Variants in TRDMT1 observed in about 807,000 individuals in gnomAD.
TRDMT1 encodes the protein tRNA (cytosine(38)-C(5))-methyltransferase.
A neutral mutation model predicts 51.2 loss-of-function variants in TRDMT1; 49 were observed. The ratio of observed to expected loss-of-function variants is 0.96; its 90% CI spans 0.76 to 1.21. The LOEUF (loss-of-function observed/expected upper bound fraction) is 1.21, where lower values mean the gene tolerates loss of function less well. Ranked by LOEUF, TRDMT1 falls within the 50% of genes most tolerant of loss-of-function variation. The probability of loss-of-function intolerance (pLI) is 0.00; values close to 1 mark genes in which losing one functional copy is unlikely to be tolerated. For missense variants in TRDMT1, 534 were observed against 462.3 expected (o/e 1.16, Z -1.42); for synonymous variants, 187 against 164.6 (o/e 1.14, Z -1.04).
rs1837588192 is a variant in TRDMT1, at chr10:17,140,555, G to A, written c.*8485C>T. ...GCAAGATGTAGCTTCTGCTCTGGAGGAAAAAAGTCAGCAGGGGAGGGGATT... is the reference window on the plus strand; with the variant it reads ...GCAAGATGTAGCTTCTGCTCTGGAGAAAAAAAGTCAGCAGGGGAGGGGATT... On this transcript the variant is annotated 3_prime_UTR_variant, in exon 11 of 11. Transcript: ENST00000377799. Among the ~76,000 whole-genome samples the A allele has an allele frequency of 6.6e-6, 1 of 152,050 alleles. No individual in the cohort carries two copies. The highest frequency in any genetic ancestry group is 2.4e-5 in the African/African-American group (1 of 41,396).
intron 10 of TRDMT1, 66 bp downstream of exon 10, chr10:17,153,441 C>A: frequency 6.3e-7 from 1 of 1,585,618 alleles, no homozygotes; most frequent in Non-Finnish European, 8.6e-7. Context: ...CCTAGACACA[C>A]AAGTCCCTAA....
rs570891874 is a variant in TRDMT1 at position 17,175,977 on chromosome 10, C to T, written c.65-1317G>A. On this transcript the variant is annotated intron_variant, in intron 1 of 10. Coordinates refer to ENST00000377799, the MANE Select transcript of TRDMT1 (RefSeq NM_004412.7). ...AATCAGTAATGCCATAGACAGCTGC[C>T]TCTTCTGCATTGAAGTGCAATAACT... 2.6e-5 allele frequency among the ~76,000 whole-genome samples: 4 copies of T among 152,316 alleles called. No homozygotes were observed. In the South Asian group the frequency reaches 8.3e-4, roughly 32 times the overall value.
At position 17,147,573 on chromosome 10, in the gene TRDMT1, C is replaced by G. The variant is rs1055972885; in HGVS notation, c.*1467G>C. ...ACTAACTACCCATTCTCCATCCCCA[C>G]AGGGTGGCTTATTTCACTTCGCATA... On this transcript the variant is annotated 3_prime_UTR_variant, in exon 11 of 11. Coordinates refer to ENST00000377799, the MANE Select transcript of TRDMT1 (RefSeq NM_004412.7). 6.2e-6 allele frequency: 1 copy of G among 161,178 alleles called. No individual in the cohort carries two copies. The highest frequency in any genetic ancestry group is 2.4e-5 in the African/African-American group (1 of 41,650). The allele number at this position is 161,178 out of a possible 1,614,324, so 10.0% of individuals were successfully genotyped here.
rs1318585140 is a variant in TRDMT1 at position 17,147,305 on chromosome 10, A to G, written c.*1735T>C. 1.0e-6 allele frequency: 1 copy of G among 985,458 alleles called. No individual in the cohort carries two copies. The highest frequency in any genetic ancestry group is 1.2e-6 in the Non-Finnish European group (1 of 829,884). The allele number at this position is 985,458 out of a possible 1,614,324, so 61.0% of individuals were successfully genotyped here. On this transcript the variant is annotated 3_prime_UTR_variant, in exon 11 of 11. Transcript: ENST00000377799. ...AAATGTAGATAGTGATAGTTTCTGT[A>G]TATGGGCTGGCTTACAGCTTCCCTA...
At chr10:17,173,814 G>T (rs1345208229) in intron 2 of TRDMT1, among the ~76,000 whole-genome samples, 1 of 147,910 alleles carries the variant, frequency 6.8e-6, no homozygotes, top group Non-Finnish European at 1.5e-5. Context: ...GACCAGGCTG[G>T]AGTGCAGTGG....
intron 1 of TRDMT1, among the ~76,000 whole-genome samples, chr10:17,175,401 T>C (rs1488454376): frequency 6.6e-6 from 1 of 152,208 alleles, no homozygotes; most frequent in East Asian, 1.9e-4. Flanking sequence ...TATTCTTTAA[T>C]GTTAGCCGAA....
chr10:17,177,585 T>C (rs781465805), intron 1 of TRDMT1, among the ~76,000 whole-genome samples: 1 of 152,144 alleles, frequency 6.6e-6, no homozygotes, highest in Non-Finnish European at 1.5e-5. Context: ...TCCATTTATA[T>C]GAGGACTAAA....
intron 2 of TRDMT1, among the ~76,000 whole-genome samples, chr10:17,174,221 A>G (rs1842376456): frequency 6.6e-6 from 1 of 152,228 alleles, no homozygotes; most frequent in Admixed American, 6.5e-5. Context: ...ACTGCATGCT[A>G]TATATATTGC....
intron 3 of TRDMT1, among the ~76,000 whole-genome samples, chr10:17,165,136 T>G (rs1840999901): frequency 6.6e-6 from 1 of 152,146 alleles, no homozygotes. Flanking sequence ...AAGGCTACAG[T>G]AACCAAAACA....
chr10:17,151,896 T>G (rs1838786444), intron 10 of TRDMT1: 1 of 1,087,848 alleles, frequency 9.2e-7, no homozygotes. Context: ...AGAAGTAAAC[T>G]AAAGAAGGGA....
At chr10:17,179,634 A>G (rs1015595220) in intron 1 of TRDMT1, among the ~76,000 whole-genome samples, 1 of 152,002 alleles carries the variant, frequency 6.6e-6, no homozygotes, top group Middle Eastern at 3.2e-3. Context: ...CAAAAGCTTA[A>G]GACTCATACT....
chr10:17,153,701 T>A, intron 9 of TRDMT1, 65 bp from the exon 10 acceptor site: 6 of 1,473,196 alleles, frequency 4.1e-6, no homozygotes, highest in Non-Finnish European at 5.5e-6. Context: ...TCTCCTGCTG[T>A]GAGATAGTTG....
Position 17,146,419 on chromosome 10 carries a change from G to A in TRDMT1, c.*2621C>T. 1.0e-6 allele frequency: 1 copy of A among 985,412 alleles called. No homozygotes were observed. Among genetic ancestry groups the A allele is most frequent in the Non-Finnish European group, 1.2e-6 (1 of 829,926 alleles). 61.0% of individuals were successfully genotyped at this position (985,412 alleles called of 1,614,324 possible). On this transcript the variant is annotated 3_prime_UTR_variant, in exon 11 of 11. Coordinates refer to ENST00000377799, the MANE Select transcript of TRDMT1 (RefSeq NM_004412.7). ...TCTTTCTTGCCTGCCACTGAGGATT[G>A]TCAGGCTCTGACCCCTCCTACAATG...
At chr10:17,158,564 C>T (rs1473326000) in intron 7 of TRDMT1, among the ~76,000 whole-genome samples, 1 of 151,958 alleles carries the variant, frequency 6.6e-6, no homozygotes, top group African/African-American at 2.4e-5. Flanking sequence ...AGAGTTTCGC[C>T]GAAATGCTGA....
At chr10:17,164,990 G>T (rs545775528) in intron 3 of TRDMT1, among the ~76,000 whole-genome samples, 1 of 152,212 alleles carries the variant, frequency 6.6e-6, no homozygotes, top group African/African-American at 2.4e-5. Context: ...AGCTACCAAT[G>T]ATTTTCTTCA....
intron 1 of TRDMT1, among the ~76,000 whole-genome samples, chr10:17,179,010 A>C (rs1396138837): frequency 1.3e-5 from 2 of 152,184 alleles, no homozygotes; most frequent in Non-Finnish European, 2.9e-5. Context: ...GAGCCAGAGA[A>C]GTGGTGGAAG....
intron 1 of TRDMT1, among the ~76,000 whole-genome samples, chr10:17,178,892 C>T (rs1842939716): frequency 6.6e-6 from 1 of 152,052 alleles, no homozygotes; most frequent in Non-Finnish European, 1.5e-5. Context: ...TAAGAGACCA[C>T]CAGCCAAAAT....
chr10:17,145,615 G>A lies in TRDMT1; in HGVS notation c.*3425C>T, dbSNP rs1588685502. The A allele has an allele frequency of 1.2e-5, 12 of 985,422 alleles. No individual in the cohort carries two copies. Among genetic ancestry groups the A allele is most frequent in the Non-Finnish European group, 1.3e-5 (11 of 829,936 alleles). The allele number at this position is 985,422 out of a possible 1,614,324, so 61.0% of individuals were successfully genotyped here. ...AAGCCGAAGGCCAAATTATGACAAG[G>A]TAACCTGTTCATAACATAAGCAATT... is the stretch of plus-strand genomic sequence containing the variant. On this transcript the variant is annotated 3_prime_UTR_variant, in exon 11 of 11. Transcript: ENST00000377799.
intron 3 of TRDMT1, among the ~76,000 whole-genome samples, chr10:17,168,081 T>G (rs529581021): frequency 6.6e-6 from 1 of 152,080 alleles, no homozygotes; most frequent in African/African-American, 2.4e-5. Flanking sequence ...GGTGGGAGGA[T>G]AGCTTGAGCC....
Sources: gnomAD v4.1 joint callset for allele counts (sites outside exome capture counted in the v4.1 genomes callset) on GRCh38, gnomAD v4.1.1 for gene constraint, MANE v1.5 for transcripts, NCBI Gene and HGNC (gene_info 2026-07-23, HGNC 2026-07-21) for gene names.